The following GRAP variants were observed in gnomAD, a reference collection of about 807,000 sequenced individuals.
The protein encoded by GRAP is GRB2-related adapter protein.
A neutral mutation model predicts 9.1 loss-of-function variants in GRAP; 2 were observed. The observed-to-expected ratio is 0.22, with a 90% confidence interval of 0.09 to 0.69. The LOEUF (loss-of-function observed/expected upper bound fraction) is 0.69, where lower values mean the gene tolerates loss of function less well. Among genes scored for constraint, GRAP ranks in the 30% least tolerant of loss-of-function variants. The pLI, the probability that GRAP is intolerant of heterozygous loss-of-function variation, is 0.81. For missense variants in GRAP, 113 were observed against 179.4 expected (o/e 0.63, Z 2.12); for synonymous variants, 68 against 73.6 (o/e 0.92, Z 0.39).
intron 2 of GRAP, 115 bp downstream of exon 2, chr17:19,041,691 TG>T (rs1277087568): frequency 2.8e-6 from 1 of 358,322 alleles, no homozygotes; most frequent in Non-Finnish European, 5.6e-6. Flanking sequence ...CTGCCCAGGC[TG>T]GTGGCCTCTG....
chr17:19,027,469 TGCGCGCGCGCGCGC>T (rs756824381), intron 3 of GRAP, among the ~76,000 whole-genome samples: 7 of 125,744 alleles, frequency 5.6e-5, no homozygotes, highest in East Asian at 3.6e-4. Context: ...ATGGGACACA[TGCGCGCGCGCGCGC>T]GCACACACAC....
intron 3 of GRAP, among the ~76,000 whole-genome samples, chr17:19,025,353 G>A (rs1385063153): frequency 5.3e-5 from 8 of 150,414 alleles, no homozygotes; most frequent in East Asian, 4.0e-4. Context: ...CACCACGCCC[G>A]GCTAATTTTT....
intron 4 of GRAP, among the ~76,000 whole-genome samples, chr17:19,022,865 GAGA>G (rs2044283960): frequency 6.6e-6 from 1 of 152,322 alleles, no homozygotes; most frequent in South Asian, 2.1e-4. Flanking sequence ...AGGATCAGCA[GAGA>G]AGCTGTAATT....
Position 19,020,740 on chromosome 17 carries a change from A to T in GRAP, c.*1219T>A. On this transcript the variant is annotated 3_prime_UTR_variant, in exon 5 of 5. Coordinates refer to ENST00000284154, the MANE Select transcript of GRAP (RefSeq NM_006613.4). ...TGAATACACAGGCTGGGTCAGGAGC[A>T]GTGAGATTTGCCAGCACTCAGGGTT... 3 of 381,490 alleles carry T rather than the reference A, an allele frequency of 7.9e-6. No homozygotes were observed. Among genetic ancestry groups the T allele is most frequent in the Non-Finnish European group, 9.9e-6 (2 of 202,356 alleles). 23.6% of individuals were successfully genotyped at this position (381,490 alleles called of 1,614,324 possible). A position where few individuals can be genotyped will look rare whatever the true frequency, so the allele number is the denominator to read the frequency against.
chr17:19,024,523 G>C lies in GRAP; in HGVS notation c.300-140C>G. ...AGTCAGATAAGGTGCAAGTGGGAGA[G>C]GCCCCACTGACCCAGCTCCACATGG... On this transcript the variant is annotated intron_variant, in intron 3 of 4. Transcript: ENST00000284154. The surrounding 1 kb of genome is among the most constrained non-coding windows in gnomAD (Gnocchi z 4.2). 1 of 1,400,312 alleles carries C rather than the reference G, an allele frequency of 7.1e-7. No individual in the cohort carries two copies. Among genetic ancestry groups the C allele is most frequent in the East Asian group, 2.5e-5 (1 of 39,794 alleles). 86.7% of individuals were successfully genotyped at this position (1,400,312 alleles called of 1,614,324 possible).
Position 19,021,831 on chromosome 17 carries a change from AG to A in GRAP, c.*127del. ...TGCAGAGCGGCCGGAGGCAGTTAGG[AG>A]CCCACGTTCAGTCCAAGGCCGTCCA... On this transcript the variant is annotated 3_prime_UTR_variant, in exon 5 of 5. Transcript: ENST00000284154. The surrounding 1 kb of genome is among the most constrained non-coding windows in gnomAD (Gnocchi z 4.1). 1.0e-6 allele frequency: 1 copy of A among 954,222 alleles called. No individual in the cohort carries two copies. The allele number at this position is 954,222 out of a possible 1,614,324, so 59.1% of individuals were successfully genotyped here.
chr17:19,027,522 A>ACACACACC (rs2044319019), intron 3 of GRAP, among the ~76,000 whole-genome samples: 1 of 144,850 alleles, frequency 6.9e-6, no homozygotes, highest in African/African-American at 2.6e-5. Flanking sequence ...ACACACACAC[A>ACACACACC]CACCCCTACC....
In GRAP at chr17:19,024,815, C is replaced by T. The variant is rs1267281790; in HGVS notation, c.300-432G>A. Among the ~76,000 whole-genome samples the T allele has an allele frequency of 6.6e-6, 1 of 152,092 alleles. No individual in the cohort carries two copies. Among genetic ancestry groups the T allele is most frequent in the African/African-American group, 2.4e-5 (1 of 41,390 alleles). ...TTGTTCCCCTCAGCTTGGACCTACT[C>T]CCTGCTCCCCTGCTCCTCCCATGCC... On this transcript the variant is annotated intron_variant, in intron 3 of 4. Transcript: ENST00000284154. The surrounding 1 kb of genome is among the most constrained non-coding windows in gnomAD (Gnocchi z 4.2).
rs1274852231 is a variant in GRAP, at chr17:19,021,837, C to G, written c.*122G>C. ...GCGGCCGGAGGCAGTTAGGAGCCCACGTTCAGTCCAAGGCCGTCCACTGAG... is the reference window on the plus strand; with the variant it reads ...GCGGCCGGAGGCAGTTAGGAGCCCAGGTTCAGTCCAAGGCCGTCCACTGAG... On this transcript the variant is annotated 3_prime_UTR_variant, in exon 5 of 5. Transcript: ENST00000284154. This position sits in a 1 kb window ranked among gnomAD's most constrained non-coding sequence, Gnocchi z 4.1. The G allele has an allele frequency of 1.9e-6, 2 of 1,026,886 alleles. No homozygotes were observed. Among genetic ancestry groups the G allele is most frequent in the Non-Finnish European group, 2.6e-6 (2 of 777,030 alleles). The allele number at this position is 1,026,886 out of a possible 1,614,324, so 63.6% of individuals were successfully genotyped here.
intron 1 of GRAP, among the ~76,000 whole-genome samples, chr17:19,043,510 C>T (rs2044369842): frequency 1.3e-5 from 2 of 152,296 alleles, no homozygotes; most frequent in Admixed American, 6.5e-5. Flanking sequence ...TCTCATAATC[C>T]CCAACTTTCT....
chr17:19,048,517 T>C (rs2044385392), upstream of GRAP, among the ~76,000 whole-genome samples: 2 of 103,262 alleles, frequency 1.9e-5, no homozygotes, highest in Non-Finnish European at 3.2e-5. Flanking sequence ...TCCATTACTA[T>C]TACATTTATT....
At position 19,022,030 on chromosome 17, in the gene GRAP, A is replaced by G. The variant is rs1456099860; in HGVS notation, c.583T>C (p.Trp195Arg). The change falls in exon 5 of 5, where the codon TGG becomes CGG. Residue 195 changes from tryptophan to arginine, a missense_variant. Physicochemically the swap from Trp to Arg is moderately radical, Grantham distance 101 (BLOSUM62 -3). Transcript: ENST00000284154. ...IEVLERPDPH[W>R]WRGRSCGRVG... Reference sequence around the variant, plus strand: ...CGCCCGCAGGACCGGCCCCGCCACCAGTGGGGGTCTGGGCGCTCCAGGACC... The same window carrying G: ...CGCCCGCAGGACCGGCCCCGCCACCGGTGGGGGTCTGGGCGCTCCAGGACC... 2 of 1,600,296 alleles carry G rather than the reference A, an allele frequency of 1.2e-6. No homozygotes were observed. Among genetic ancestry groups the G allele is most frequent in the South Asian group, 2.2e-5 (2 of 89,028 alleles).
intron 3 of GRAP, among the ~76,000 whole-genome samples, chr17:19,027,484 G>GTGCA (rs1555583246): frequency 2.5e-5 from 3 of 121,114 alleles, no homozygotes; most frequent in African/African-American, 6.2e-5. Flanking sequence ...GCGCGCGCGC[G>GTGCA]CACACACACA....
At chr17:19,048,186 T>C (rs1597931491), upstream of GRAP, among the ~76,000 whole-genome samples, 2 of 124,230 alleles carry the variant, frequency 1.6e-5, no homozygotes, top group East Asian at 2.8e-4. Context: ...AAAAGAGAAT[T>C]GTAAATAAAT....
In GRAP at chr17:19,025,782, T is replaced by A. The variant is rs1329591570; in HGVS notation, c.300-1399A>T. Among the ~76,000 whole-genome samples, 155 of 42,142 alleles carry A rather than the reference T, an allele frequency of 3.7e-3. 3 individuals carry two copies. Among genetic ancestry groups the A allele is most frequent in the African/African-American group, 0.019 (149 of 7,990 alleles). 27.6% of individuals were successfully genotyped at this position (42,142 alleles called of 152,430 possible). Reference sequence around the variant, plus strand: ...CGCCCACCACCGCGCCCGGCTAATTTTTTTTGTATTTTTAGTAGAGACGGG... The same window carrying A: ...CGCCCACCACCGCGCCCGGCTAATTATTTTTGTATTTTTAGTAGAGACGGG... On this transcript the variant is annotated intron_variant, in intron 3 of 4. Coordinates refer to ENST00000284154, the MANE Select transcript of GRAP (RefSeq NM_006613.4).
intron 3 of GRAP, among the ~76,000 whole-genome samples, chr17:19,027,336 G>A (rs1232873031): frequency 2.7e-5 from 4 of 148,102 alleles, no homozygotes; most frequent in African/African-American, 4.9e-5. Flanking sequence ...CAGGGTAGGG[G>A]CACAGGATGG....
rs1166205165 is a variant in GRAP, at chr17:19,024,173, G to A, written c.468+42C>T. The A allele has an allele frequency of 6.5e-7, 1 of 1,541,224 alleles. No homozygotes were observed. On this transcript the variant is annotated intron_variant, in intron 4 of 4. Transcript: ENST00000284154. The surrounding 1 kb of genome is among the most constrained non-coding windows in gnomAD (Gnocchi z 4.2). ...TCTCCCCTGCTGCAGATGGCAGGAG[G>A]TGCAGAGAGGCTCCCACAGGCCAGC... is the stretch of plus-strand genomic sequence containing the variant.
At position 19,024,113 on chromosome 17, in the gene GRAP, T is replaced by C; in HGVS notation, c.468+102A>G. ...TTGCAATACCAGGCTGCTGGGGAAGTGAGACCAGGCCCGTGCTTGGCCTCA... is the reference window on the plus strand; with the variant it reads ...TTGCAATACCAGGCTGCTGGGGAAGCGAGACCAGGCCCGTGCTTGGCCTCA... On this transcript the variant is annotated intron_variant, in intron 4 of 4. Coordinates refer to ENST00000284154, the MANE Select transcript of GRAP (RefSeq NM_006613.4). This position sits in a 1 kb window ranked among gnomAD's most constrained non-coding sequence, Gnocchi z 4.2. 8.4e-7 allele frequency: 1 copy of C among 1,189,544 alleles called. No individual in the cohort carries two copies. The allele number at this position is 1,189,544 out of a possible 1,614,324, so 73.7% of individuals were successfully genotyped here. A position where few individuals can be genotyped will look rare whatever the true frequency, so the allele number is the denominator to read the frequency against.
At chr17:19,023,719 C>T (rs1031553870) in intron 4 of GRAP, among the ~76,000 whole-genome samples, 9 of 147,674 alleles carry the variant, frequency 6.1e-5, no homozygotes, top group Admixed American at 1.4e-4. Context: ...TCAACTCTTC[C>T]GCGAGCAGAA....
Sources: gnomAD v4.1 joint callset for allele counts (sites outside exome capture counted in the v4.1 genomes callset) on GRCh38, gnomAD v4.1.1 for gene constraint, Gnocchi (gnomAD v3.1) non-coding constraint, MANE v1.5 for transcripts, NCBI Gene and HGNC (gene_info 2026-07-23, HGNC 2026-07-21) for gene names.